The following SPECC1 variants were observed in gnomAD, a reference collection of about 807,000 sequenced individuals.
SPECC1 encodes sperm antigen with calponin homology and coiled-coil domains 1, also known as cytospin-B.
In SPECC1, 62 loss-of-function variants were observed where a neutral mutation model predicts 104.1. That is an observed-to-expected ratio of 0.60 (90% CI 0.49 to 0.74). SPECC1 has a LOEUF of 0.74. SPECC1 is among the 30% of genes least tolerant of loss of function. SPECC1 has a pLI of 0.00. For synonymous variants in SPECC1, 513 were observed against 501.6 expected (o/e 1.02, Z -0.30); for missense variants, 1,306 against 1,310.5 (o/e 1.00, Z 0.05).
intron 9 of SPECC1, among the ~76,000 whole-genome samples, chr17:20,249,843 ATT>A (rs1365072559): frequency 2.0e-5 from 3 of 152,194 alleles, no homozygotes; most frequent in Admixed American, 6.5e-5. Flanking sequence ...CTCATGTGTA[ATT>A]GGAGTCCCCA....
intron 1 of SPECC1, among the ~76,000 whole-genome samples, chr17:20,031,225 T>C (rs1425259756): frequency 3.3e-5 from 5 of 152,280 alleles, no homozygotes; most frequent in Admixed American, 3.3e-4. Context: ...AAACTCCTGG[T>C]CTCAAGTGAT....
intron 3 of SPECC1, among the ~76,000 whole-genome samples, chr17:20,169,167 C>A (rs921532337): frequency 1.3e-5 from 2 of 152,190 alleles, no homozygotes; most frequent in Non-Finnish European, 2.9e-5. Flanking sequence ...GCCACTCTGG[C>A]CACAATGGTT....
chr17:20,267,299 T>C (rs897483861), intron 12 of SPECC1, among the ~76,000 whole-genome samples: 1 of 152,218 alleles, frequency 6.6e-6, no homozygotes, highest in Non-Finnish European at 1.5e-5. Context: ...CTGACTCAGA[T>C]AACTCCTACC....
At chr17:20,277,706 C>T (rs987377633) in intron 12 of SPECC1, among the ~76,000 whole-genome samples, 2 of 152,238 alleles carry the variant, frequency 1.3e-5, no homozygotes, top group African/African-American at 4.8e-5. Flanking sequence ...AAACTGAGCT[C>T]TGTATGCTTT....
rs1249980655 is a variant in SPECC1, at chr17:20,078,257, A to AC, written c.-21-18373dup. Among the ~76,000 whole-genome samples the AC allele has an allele frequency of 1.1e-4, 16 of 151,748 alleles. No homozygotes were observed. In the East Asian group the frequency reaches 3.1e-3, roughly 30 times the overall value. ...TGCAAAAAACTTGGTACATTGAAAG[A>AC]CAAGCGTGTGGCTGAGAGAAATACA... On this transcript the variant is annotated intron_variant, in intron 1 of 14. Coordinates refer to ENST00000395527, the MANE Select transcript of SPECC1 (RefSeq NM_001243439.2).
At chr17:20,115,433 A>G (rs537493356) in intron 3 of SPECC1, among the ~76,000 whole-genome samples, 4 of 152,312 alleles carry the variant, frequency 2.6e-5, no homozygotes, top group East Asian at 1.9e-4. Flanking sequence ...AGATCGTGCA[A>G]CTACACTCCA....
intron 1 of SPECC1, among the ~76,000 whole-genome samples, chr17:20,019,331 C>A (rs919366858): frequency 6.6e-6 from 1 of 151,894 alleles, no homozygotes; most frequent in African/African-American, 2.4e-5. Flanking sequence ...CTGTGTTCCT[C>A]AGAAAAAGAT....
intron 4 of SPECC1, among the ~76,000 whole-genome samples, chr17:20,207,439 CT>C: frequency 6.6e-6 from 1 of 152,126 alleles, no homozygotes; most frequent in African/African-American, 2.4e-5. Flanking sequence ...TCTTTTTTTA[CT>C]TTAAGATTAC....
At chr17:20,272,248 C>T (rs963968837) in intron 12 of SPECC1, among the ~76,000 whole-genome samples, 1 of 151,812 alleles carries the variant, frequency 6.6e-6, no homozygotes. Flanking sequence ...TCTTTTTTTC[C>T]CCTATTTCTA....
At chr17:20,238,269 A>G in intron 7 of SPECC1, 1 of 1,041,076 alleles carries the variant, frequency 9.6e-7, no homozygotes, top group African/African-American at 1.7e-5. Context: ...CCAAAGTTTC[A>G]TGGATGAAAC....
At chr17:20,193,195 G>A (rs896465334) in intron 3 of SPECC1, among the ~76,000 whole-genome samples, 1 of 152,186 alleles carries the variant, frequency 6.6e-6, no homozygotes, top group Non-Finnish European at 1.5e-5. Flanking sequence ...GACGACCAGA[G>A]GTCACTCTTG....
chr17:20,308,441 C>A (rs1472300588), intron 14 of SPECC1, among the ~76,000 whole-genome samples: 5 of 142,950 alleles, frequency 3.5e-5, no homozygotes, highest in Non-Finnish European at 7.6e-5. Context: ...TGTGGGGAAT[C>A]TGAGAAATGA....
chr17:20,202,844 T>C (rs897589747), intron 3 of SPECC1, among the ~76,000 whole-genome samples: 6 of 152,216 alleles, frequency 3.9e-5, no homozygotes, highest in East Asian at 3.8e-4. Flanking sequence ...GTCTATGATA[T>C]ACTCTTGGCT....
Position 20,023,936 on chromosome 17 carries a change from C to T in SPECC1, c.-22+14512C>T, listed in dbSNP as rs17668740. Reference sequence around the variant, plus strand: ...AATGAAAAAAAGAACAGTATAAGCCCGTAGATGTAAACTATAGACCAAATT... The same window carrying T: ...AATGAAAAAAAGAACAGTATAAGCCTGTAGATGTAAACTATAGACCAAATT... On this transcript the variant is annotated intron_variant, in intron 1 of 14. Transcript: ENST00000395527. 1.4e-3 allele frequency among the ~76,000 whole-genome samples: 208 copies of T among 152,016 alleles called. 3 individuals carry two copies. The highest frequency in any genetic ancestry group is 7.9e-3 in the South Asian group (38 of 4,810).
intron 1 of SPECC1, among the ~76,000 whole-genome samples, chr17:20,038,403 C>CTTTT (rs10718870): frequency 1.3e-4 from 13 of 99,348 alleles, no homozygotes; most frequent in African/African-American, 2.0e-4. Flanking sequence ...TTTTGATATT[C>CTTTT]TTTTTTTTTT....
intron 12 of SPECC1, among the ~76,000 whole-genome samples, chr17:20,260,847 G>A (rs1350828159): frequency 6.6e-6 from 1 of 152,044 alleles, no homozygotes; most frequent in African/African-American, 2.4e-5. Flanking sequence ...GGGGATGTGG[G>A]TCAGTTTATC....
intron 14 of SPECC1, among the ~76,000 whole-genome samples, chr17:20,313,002 T>C (rs2041971844): frequency 6.6e-6 from 1 of 152,202 alleles, no homozygotes; most frequent in Admixed American, 6.5e-5. Context: ...CCTTTCCTAC[T>C]ATTCTCTTTT....
chr17:20,287,647 A>T (rs79371727), intron 12 of SPECC1, among the ~76,000 whole-genome samples: 6,915 of 152,182 alleles, frequency 0.045, 186 homozygotes, highest in Middle Eastern at 0.088. Context: ...AAAGGAAGCC[A>T]CTTTTGTTGT....
intron 14 of SPECC1, 121 bp from the exon 15 acceptor site, chr17:20,313,855 C>A: frequency 1.2e-6 from 1 of 855,270 alleles, no homozygotes; most frequent in Non-Finnish European, 1.9e-6. Context: ...CCTTCACGTT[C>A]TGTCTGTGTA....
Sources: allele counts gnomAD v4.1 joint callset (sites outside exome capture counted in the v4.1 genomes callset), GRCh38; gene constraint gnomAD v4.1.1; transcripts MANE v1.5; gene names NCBI Gene and HGNC (gene_info 2026-07-23, HGNC 2026-07-21).